The following RP1L1 variants were observed in gnomAD, a reference collection of about 807,000 sequenced individuals.
The protein encoded by RP1L1 is retinitis pigmentosa 1-like 1 protein.
In RP1L1, 27 loss-of-function variants were observed where a neutral mutation model predicts 15.7. The ratio of observed to expected loss-of-function variants is 1.72; its 90% confidence interval spans 1.27 to 2.38. RP1L1 has a LOEUF of 2.38. Ranked by LOEUF, RP1L1 falls within the 30% of genes most tolerant of loss-of-function variation. The probability of loss-of-function intolerance (pLI) is 0.00; values close to 1 mark genes in which losing one functional copy is unlikely to be tolerated. For synonymous variants in RP1L1, 1,813 were observed against 1,276.7 expected, an observed-to-expected ratio of 1.42 and a Z score of -8.96; for missense variants, 4,798 against 3,075.9, an observed-to-expected ratio of 1.56 and a Z score of -13.24.
intron 1 of RP1L1, among the ~76,000 whole-genome samples, chr8:10,631,414 C>T (rs1199349460): frequency 2.0e-5 from 3 of 150,274 alleles, no homozygotes; most frequent in Non-Finnish European, 3.0e-5. Context: ...CACGCACACA[C>T]GCACACACAC....
chr8:10,644,566 C>T (rs1053232043), intron 1 of RP1L1, among the ~76,000 whole-genome samples: 1 of 152,200 alleles, frequency 6.6e-6, no homozygotes, highest in Non-Finnish European at 1.5e-5. Flanking sequence ...CCAGTCCTTC[C>T]CCTCTCTAGT....
chr8:10,620,850 C>T lies in RP1L1; in HGVS notation c.609+1743G>A, dbSNP rs1274983736. On this transcript the variant is annotated intron_variant, in intron 2 of 3. Coordinates refer to ENST00000382483, the MANE Select transcript of RP1L1 (RefSeq NM_178857.6). ...TCATGTCCAGGGATAAACATGAACA[C>T]AAGACCACGGCCCATGTAGTGAGGA... Among the ~76,000 whole-genome samples the T allele has an allele frequency of 5.3e-5, 8 of 152,192 alleles. No homozygotes were observed. In the East Asian group the frequency reaches 1.5e-3, roughly 29 times the overall value.
At chr8:10,636,687 G>A (rs1454964135) in intron 1 of RP1L1, among the ~76,000 whole-genome samples, 1 of 152,226 alleles carries the variant, frequency 6.6e-6, no homozygotes, top group Non-Finnish European at 1.5e-5. Flanking sequence ...ATTCCCCCAA[G>A]CCACAGCTGC....
At chr8:10,638,178 C>G (rs1798357265) in intron 1 of RP1L1, among the ~76,000 whole-genome samples, 1 of 152,234 alleles carries the variant, frequency 6.6e-6, no homozygotes, top group Non-Finnish European at 1.5e-5. Context: ...ATCGATTACA[C>G]ACGTGAACCC....
At chr8:10,623,283 T>G in intron 1 of RP1L1, 63 bp from the exon 2 acceptor site, 8 of 1,281,176 alleles carry the variant, frequency 6.2e-6, no homozygotes, top group Admixed American at 2.4e-5. Flanking sequence ...TTCCTGTCTC[T>G]TCCCGTCTTT....
At chr8:10,624,488 T>A (rs1440322605) in intron 1 of RP1L1, among the ~76,000 whole-genome samples, 1 of 152,216 alleles carries the variant, frequency 6.6e-6, no homozygotes, top group Non-Finnish European at 1.5e-5. Flanking sequence ...ATGCAGAGAC[T>A]CCTGAGCTGA....
At chr8:10,642,859 G>A (rs1394663805) in intron 1 of RP1L1, among the ~76,000 whole-genome samples, 1 of 152,180 alleles carries the variant, frequency 6.6e-6, no homozygotes, top group Non-Finnish European at 1.5e-5. Flanking sequence ...TAATGATTAG[G>A]AAGTTGAAAG....
At chr8:10,621,688 A>C (rs944832609) in intron 2 of RP1L1, 3 of 491,748 alleles carry the variant, frequency 6.1e-6, no homozygotes, top group Non-Finnish European at 1.2e-5. Flanking sequence ...AACAGGACTG[A>C]ATCTTGAGGA....
intron 1 of RP1L1, among the ~76,000 whole-genome samples, chr8:10,631,488 CAT>C (rs1333692474): frequency 7.9e-5 from 12 of 152,192 alleles, no homozygotes; most frequent in South Asian, 2.1e-4. Context: ...TACATAATGA[CAT>C]GTGTGAAGCT....
Position 10,611,944 on chromosome 8 carries a change from G to C in RP1L1, c.2154C>G (p.Asn718Lys). 1.2e-6 allele frequency: 2 copies of C among 1,613,896 alleles called. No individual in the cohort carries two copies. Among genetic ancestry groups the C allele is most frequent in the Non-Finnish European group, 1.7e-6 (2 of 1,180,024 alleles). Residue 718 changes from asparagine (N) to lysine (K), a missense_variant, in exon 4 of 4, where the codon AAC becomes AAG. By Grantham distance (94) the Asn-to-Lys change is moderately conservative. Transcript: ENST00000382483. ...SSSTRTQASG[N>K]LRPPSSGSLP... ...GAGAGCCCGAGGAGGGAGGTCTCAG[G>C]TTCCCAGAGGCCTGTGTCCTGGTGC...
rs1221532962 is a variant in RP1L1, at chr8:10,609,761, C to T, written c.4337G>A (p.Gly1446Asp). 10 of 1,613,462 alleles carry T rather than the reference C, an allele frequency of 6.2e-6. No homozygotes were observed. The highest frequency in any genetic ancestry group is 3.3e-5 in the Admixed American group (2 of 60,014). ...SASAEPCPAE[G>D]TEEPTEPPSH... ...AGGGGGCTCTGTGGGTTCCTCTGTG[C>T]CCTCTGCGGGGCACGGCTCTGCAGA... The change falls in exon 4 of 4, where the codon GGC (glycine) becomes GAC (aspartate). Residue 1446 changes from glycine to aspartate, a missense_variant. By Grantham distance (94) the Gly-to-Asp change is moderately conservative. Transcript: ENST00000382483.
intron 1 of RP1L1, among the ~76,000 whole-genome samples, chr8:10,640,673 TA>T (rs1301796548): frequency 1.3e-5 from 2 of 150,902 alleles, no homozygotes; most frequent in African/African-American, 4.9e-5. Context: ...TAATAATTAT[TA>T]TTATTAATAT....
At chr8:10,636,808 C>A (rs942638244) in intron 1 of RP1L1, among the ~76,000 whole-genome samples, 1 of 152,232 alleles carries the variant, frequency 6.6e-6, no homozygotes, top group African/African-American at 2.4e-5. Context: ...AGATCAGAAC[C>A]GACTCCCTCC....
At position 10,611,870 on chromosome 8, in the gene RP1L1, G is replaced by T. The variant is rs1797864286; in HGVS notation, c.2228C>A (p.Ala743Glu). ...TCCAGAAACAAAATCCGAGTGGACT[G>T]CAGGGGTGACAGTGGCACTGCTGGT... is the stretch of plus-strand genomic sequence containing the variant. ...LGTSSATVTP[A>E]VHSDFVSGVS... The change falls in exon 4 of 4, where the codon GCA becomes GAA. Residue 743 changes from alanine (A) to glutamate (E), a missense_variant. Transcript: ENST00000382483. The T allele has an allele frequency of 6.2e-7, 1 of 1,613,862 alleles. No homozygotes were observed. Among genetic ancestry groups the T allele is most frequent in the Non-Finnish European group, 8.5e-7 (1 of 1,180,038 alleles).
intron 1 of RP1L1, among the ~76,000 whole-genome samples, chr8:10,633,008 C>G (rs1798275254): frequency 6.6e-6 from 1 of 152,188 alleles, no homozygotes; most frequent in South Asian, 2.1e-4. Context: ...CCTTGGGGGT[C>G]ACTCTGAAAG....
Position 10,607,129 on chromosome 8 carries a change from T to G in RP1L1, c.6969A>C (p.Thr2323=), listed in dbSNP as rs1585956129. The change falls in exon 4 of 4, where the codon ACA becomes ACC. Residue 2323 remains threonine, a synonymous_variant. Transcript: ENST00000382483. The stretch of plus-strand genomic sequence containing the variant: ...CCGTGGACTTGGCATCAGGGCTCCT[T>G]GTGTCTCCAAGTACATGGTCATTTT... ...DSENDHVLGD[T]RSPDAKSTGT... 2 of 1,614,234 alleles carry G rather than the reference T, an allele frequency of 1.2e-6. No homozygotes were observed.
intron 1 of RP1L1, among the ~76,000 whole-genome samples, chr8:10,650,641 T>C (rs2117270306): frequency 6.6e-6 from 1 of 151,662 alleles, no homozygotes; most frequent in African/African-American, 2.4e-5. Flanking sequence ...ACTGCTAACC[T>C]CTGCCACCCA....
At chr8:10,642,679 T>C (rs1798424125) in intron 1 of RP1L1, among the ~76,000 whole-genome samples, 1 of 152,200 alleles carries the variant, frequency 6.6e-6, no homozygotes, top group African/African-American at 2.4e-5. Context: ...ACCACATTGC[T>C]CTCTGCTTCA....
chr8:10,638,866 C>G (rs1451447594), intron 1 of RP1L1, among the ~76,000 whole-genome samples: 1 of 152,116 alleles, frequency 6.6e-6, no homozygotes, highest in African/African-American at 2.4e-5. Flanking sequence ...CAAGCACGGC[C>G]AGGCATGGTG....
Sources: gnomAD v4.1 joint callset for allele counts (sites outside exome capture counted in the v4.1 genomes callset) on GRCh38, gnomAD v4.1.1 for gene constraint, MANE v1.5 for transcripts, NCBI Gene and HGNC (gene_info 2026-07-23, HGNC 2026-07-21) for gene names.